Variants in ACOT7 observed in about 807,000 individuals in gnomAD.
ACOT7 encodes cytosolic acyl coenzyme A thioester hydrolase.
In ACOT7, 12 loss-of-function variants were observed where a neutral mutation model predicts 40.2. That is an observed-to-expected ratio of 0.30 (90% confidence interval 0.19 to 0.48). ACOT7 has a LOEUF of 0.48. Ranked by LOEUF, ACOT7 falls within the 20% of genes least tolerant of loss-of-function variation. The pLI is 0.99. For synonymous variants in ACOT7, 228 were observed against 219.5 expected (o/e 1.04, Z -0.34); for missense variants, 395 against 530.8 (o/e 0.74, Z 2.51).
At chr1:6,356,153 A>G (rs1641737908) in intron 1 of ACOT7, among the ~76,000 whole-genome samples, 2 of 152,338 alleles carry the variant, frequency 1.3e-5, no homozygotes, top group East Asian at 3.9e-4. Flanking sequence ...TTATAGGAAC[A>G]GGGAAGTCTC....
chr1:6,336,949 A>G (rs1641123545), intron 3 of ACOT7, among the ~76,000 whole-genome samples: 1 of 152,160 alleles, frequency 6.6e-6, no homozygotes, highest in Non-Finnish European at 1.5e-5. Context: ...CCTGACCAAG[A>G]TATGGAGAAA....
At chr1:6,348,811 T>C (rs566760332) in intron 2 of ACOT7, among the ~76,000 whole-genome samples, 1 of 152,334 alleles carries the variant, frequency 6.6e-6, no homozygotes, top group South Asian at 2.1e-4. Flanking sequence ...CTCAACAGTG[T>C]GGCTCAGAGC....
intron 8 of ACOT7, among the ~76,000 whole-genome samples, chr1:6,276,581 T>C (rs548488341): frequency 6.6e-6 from 1 of 152,096 alleles, no homozygotes; most frequent in Non-Finnish European, 1.5e-5. Flanking sequence ...TGAAGAAAGC[T>C]GACGTGGGGA....
chr1:6,295,518 T>G (rs1401912312), intron 6 of ACOT7: 1 of 152,968 alleles, frequency 6.5e-6, no homozygotes, highest in South Asian at 2.1e-4. Flanking sequence ...CACAGCAGCA[T>G]GTACGCATAG....
rs553875004 is a variant in ACOT7, at chr1:6,299,230, G to A, written c.713-4250C>T. ...GGCAAGGTGACTGAGGAGCAAATGG[G>A]ATGACCATGTGGCTGCCAGCAATGG... is the stretch of plus-strand genomic sequence containing the variant. On this transcript the variant is annotated intron_variant, in intron 6 of 8. Coordinates refer to ENST00000361521, the MANE Select transcript of ACOT7 (RefSeq NM_007274.4). The surrounding 1 kb of genome is among the most constrained non-coding windows in gnomAD (Gnocchi z 4.1). 3.3e-4 allele frequency among the ~76,000 whole-genome samples: 51 copies of A among 152,384 alleles called. No individual in the cohort carries two copies. Among genetic ancestry groups the A allele is most frequent in the African/African-American group, 1.2e-3 (49 of 41,602 alleles).
rs181191935 is a variant in ACOT7, at chr1:6,340,044, C to T, written c.262-455G>A. 3.5e-3 allele frequency among the ~76,000 whole-genome samples: 532 copies of T among 151,310 alleles called. 27 individuals carry two copies. Among genetic ancestry groups the T allele is most frequent in the African/African-American group, 0.013 (514 of 40,646 alleles). ...GCAGTGGTGCGATCTCCCCTCACTG[C>T]AAGCGCCGCCTCCCAGATTCACGCC... On this transcript the variant is annotated intron_variant, in intron 2 of 8. Coordinates refer to ENST00000361521, the MANE Select transcript of ACOT7 (RefSeq NM_007274.4).
rs778750851 is a variant in ACOT7 at position 6,349,831 on chromosome 1, T to C, written c.179A>G (p.Asn60Ser). The C allele has an allele frequency of 1.5e-5, 25 of 1,614,042 alleles. No individual in the cohort carries two copies. The highest frequency in any genetic ancestry group is 2.2e-5 in the East Asian group (1 of 44,884). Residue 60 changes from asparagine (N) to serine (S), a missense_variant, in exon 2 of 9, where the codon AAT (asparagine) becomes AGT (serine). Asn to Ser is a conservative substitution (Grantham distance 46). Around this residue, in one of 2 missense-constraint regions of ACOT7, gnomAD observed 309 missense variants for 470.3 expected, o/e 0.66. Coordinates refer to ENST00000361521, the MANE Select transcript of ACOT7 (RefSeq NM_007274.4). ...MRPDDANVAG[N>S]VHGGTILKMI... ...CTTCAGGATGGTCCCCCCGTGGACA[T>C]TGCCGGCCACGTTGGCATCATCTGG...
intron 7 of ACOT7, among the ~76,000 whole-genome samples, chr1:6,284,501 G>C (rs193220754): frequency 6.6e-6 from 1 of 151,178 alleles, no homozygotes; most frequent in African/African-American, 2.4e-5. Flanking sequence ...GCCTGAACCC[G>C]GGAGGCGCAG....
At chr1:6,279,573 T>C (rs1044534378) in intron 8 of ACOT7, among the ~76,000 whole-genome samples, 1 of 152,204 alleles carries the variant, frequency 6.6e-6, no homozygotes, top group Non-Finnish European at 1.5e-5. Flanking sequence ...GTTAGTGCCG[T>C]GCTGGGGGCA....
rs1639840657 is a variant in ACOT7 at position 6,297,472 on chromosome 1, G to A, written c.713-2492C>T. ...CCCACAGCATCCAGCAGGTGAAGCT[G>A]GAAAGAGCAGAATTAGTGGGGGCCC... is the stretch of plus-strand genomic sequence containing the variant. On this transcript the variant is annotated intron_variant, in intron 6 of 8. Coordinates refer to ENST00000361521, the MANE Select transcript of ACOT7 (RefSeq NM_007274.4). Among the ~76,000 whole-genome samples the A allele has an allele frequency of 2.6e-5, 4 of 152,212 alleles. No homozygotes were observed. The South Asian group carries it at 8.3e-4, about 32-fold the overall frequency.
intron 6 of ACOT7, among the ~76,000 whole-genome samples, chr1:6,296,713 G>A (rs574138321): frequency 6.6e-5 from 10 of 152,070 alleles, no homozygotes; most frequent in Middle Eastern, 3.4e-3. Flanking sequence ...ATGAGCCACC[G>A]CACCTGGCCA....
At chr1:6,302,046 G>C (rs1332322922) in intron 6 of ACOT7, among the ~76,000 whole-genome samples, 3 of 152,226 alleles carry the variant, frequency 2.0e-5, no homozygotes, top group South Asian at 2.1e-4. Context: ...GGGGGCTGTC[G>C]TAATCCCACC....
At chr1:6,347,973 G>C (rs1404683710) in intron 2 of ACOT7, among the ~76,000 whole-genome samples, 5 of 152,040 alleles carry the variant, frequency 3.3e-5, no homozygotes, top group African/African-American at 1.2e-4. Context: ...CCCATCTTGG[G>C]GACTTTTCCT....
chr1:6,305,312 A>G (rs1175084043), intron 6 of ACOT7, among the ~76,000 whole-genome samples: 3 of 117,822 alleles, frequency 2.5e-5, no homozygotes, highest in South Asian at 2.8e-4. Flanking sequence ...CTCACTTCCC[A>G]GTAGGGGCGG....
chr1:6,337,400 C>T (rs1341685028), intron 3 of ACOT7, among the ~76,000 whole-genome samples: 1 of 152,264 alleles, frequency 6.6e-6, no homozygotes, highest in African/African-American at 2.4e-5. Context: ...CTCATCAAAA[C>T]CCCATCAGCC....
rs936667904 is a variant in ACOT7 at position 6,338,064 on chromosome 1, T to G, written c.418+1369A>C. Among the ~76,000 whole-genome samples the G allele has an allele frequency of 2.6e-5, 4 of 150,986 alleles. 1 individual carries two copies. The highest frequency in any genetic ancestry group is 2.6e-4 in the Admixed American group (4 of 15,226). On this transcript the variant is annotated intron_variant, in intron 3 of 8. Coordinates refer to ENST00000361521, the MANE Select transcript of ACOT7 (RefSeq NM_007274.4). The surrounding 1 kb of genome is among the most constrained non-coding windows in gnomAD (Gnocchi z 4.4). ...GGGCTTCCTCTGAGGCTATGGCCTC[T>G]GATGGACCACAAAGGGGGCTTTCAT...
intron 1 of ACOT7, among the ~76,000 whole-genome samples, chr1:6,361,786 C>A (rs999630869): frequency 3.3e-5 from 5 of 152,102 alleles, no homozygotes; most frequent in African/African-American, 1.2e-4. Context: ...GCCTGGGCAA[C>A]AGAGCGGGAC....
At chr1:6,347,797 C>T (rs1330741177) in intron 2 of ACOT7, among the ~76,000 whole-genome samples, 1 of 151,852 alleles carries the variant, frequency 6.6e-6, no homozygotes, top group Non-Finnish European at 1.5e-5. Flanking sequence ...AGAACAGCTG[C>T]CTCTCCGGGG....
At chr1:6,342,020 T>A (rs1641290837) in intron 2 of ACOT7, among the ~76,000 whole-genome samples, 1 of 152,164 alleles carries the variant, frequency 6.6e-6, no homozygotes. Context: ...CCTCTGTAGC[T>A]TTGGGTCTTA....
Sources: gnomAD v4.1 joint callset for allele counts (sites outside exome capture counted in the v4.1 genomes callset) on GRCh38, gnomAD v4.1.1 for gene constraint, gnomAD v4.1.1 regional missense constraint, Gnocchi (gnomAD v3.1) non-coding constraint, MANE v1.5 for transcripts, NCBI Gene and HGNC (gene_info 2026-07-23, HGNC 2026-07-21) for gene names.